Variants in KALRN observed in about 807,000 individuals in gnomAD.
KALRN encodes the protein kalirin RhoGEF kinase.
A neutral mutation model predicts 353.7 loss-of-function variants in KALRN; 70 were observed. The observed-to-expected ratio is 0.20, with a 90% CI of 0.16 to 0.24. KALRN has a LOEUF of 0.24. Ranked by LOEUF, KALRN falls within the 10% of genes least tolerant of loss-of-function variation. The pLI is 1.00. For synonymous variants in KALRN, 1,391 were observed against 1,434.8 expected, an observed-to-expected ratio of 0.97 and a Z score of 0.69; for missense variants, 2,791 against 3,756.7, an observed-to-expected ratio of 0.74 and a Z score of 6.72.
intron 34 of KALRN, among the ~76,000 whole-genome samples, chr3:124,611,452 A>C (rs761907771): frequency 1.3e-5 from 2 of 152,172 alleles, no homozygotes; most frequent in Non-Finnish European, 2.9e-5. Context: ...CCAGATTTGA[A>C]TATCCTGATG....
chr3:124,582,479 C>T (rs1578138642), intron 34 of KALRN, among the ~76,000 whole-genome samples: 1 of 152,214 alleles, frequency 6.6e-6, no homozygotes, highest in East Asian at 1.9e-4. Flanking sequence ...AGATTTTTGA[C>T]TTTATGTTCT....
chr3:124,036,714 C>T (rs1476110026), intron 1 of KALRN, among the ~76,000 whole-genome samples: 1 of 152,148 alleles, frequency 6.6e-6, no homozygotes, highest in Admixed American at 6.5e-5. Context: ...CCAGGGTTAC[C>T]CCTTTCTTTC....
chr3:124,333,717 G>A lies in KALRN; in HGVS notation c.1417-548G>A, dbSNP rs140869811. ...AGCCTGGCCAACATGGTGAAACCCC[G>A]TCTCTACTAAAAATACAGAAATTAG... On this transcript the variant is annotated intron_variant, in intron 8 of 59. Coordinates refer to ENST00000682506, the MANE Select transcript of KALRN (RefSeq NM_001388419.1). 2.0e-3 allele frequency among the ~76,000 whole-genome samples: 303 copies of A among 152,128 alleles called. 1 individual carries two copies. The highest frequency in any genetic ancestry group is 6.0e-3 in the African/African-American group (251 of 41,494).
chr3:124,250,619 AT>A, intron 3 of KALRN, among the ~76,000 whole-genome samples: 1 of 152,298 alleles, frequency 6.6e-6, no homozygotes, highest in Admixed American at 6.5e-5. Context: ...TCATAATGAT[AT>A]TTTTTAAAGT....
intron 3 of KALRN, among the ~76,000 whole-genome samples, chr3:124,258,715 ATTTCTCT>A (rs1388544754): frequency 1.3e-5 from 2 of 152,174 alleles, no homozygotes; most frequent in Non-Finnish European, 2.9e-5. Context: ...TCCACACCAG[ATTTCTCT>A]TTTAACTTCC....
intron 37 of KALRN, among the ~76,000 whole-genome samples, chr3:124,649,459 G>A (rs1362130322): frequency 6.6e-6 from 1 of 152,080 alleles, no homozygotes; most frequent in Non-Finnish European, 1.5e-5. Context: ...TGCAGTAGCT[G>A]GTTTAGGCAG....
intron 10 of KALRN, among the ~76,000 whole-genome samples, chr3:124,368,812 C>T (rs1353067456): frequency 1.3e-5 from 2 of 152,114 alleles, no homozygotes; most frequent in Non-Finnish European, 2.9e-5. Flanking sequence ...GCAATCCCGG[C>T]ACCTCGGGAG....
At chr3:124,302,116 A>C (rs1339121355) in intron 6 of KALRN, among the ~76,000 whole-genome samples, 3 of 152,238 alleles carry the variant, frequency 2.0e-5, no homozygotes, top group Admixed American at 6.5e-5. Context: ...CCCCAACTTA[A>C]GGTTCTAAGA....
At chr3:124,394,583 G>A (rs925683268) in intron 11 of KALRN, among the ~76,000 whole-genome samples, 1 of 152,096 alleles carries the variant, frequency 6.6e-6, no homozygotes, top group African/African-American at 2.4e-5. Flanking sequence ...ATTAAGATAA[G>A]CCACATCTTT....
intron 34 of KALRN, among the ~76,000 whole-genome samples, chr3:124,591,234 T>A (rs1005475900): frequency 1.1e-4 from 17 of 152,238 alleles, no homozygotes; most frequent in African/African-American, 3.6e-4. Context: ...TTAGTTAATA[T>A]CTGTTCATGT....
At chr3:124,155,830 TC>T (rs1380957863) in intron 1 of KALRN, among the ~76,000 whole-genome samples, 1 of 152,192 alleles carries the variant, frequency 6.6e-6, no homozygotes, top group Non-Finnish European at 1.5e-5. Context: ...ATCCATCACA[TC>T]TCCCTCAGCT....
chr3:124,078,953 A>T (rs2060397964), intron 1 of KALRN, among the ~76,000 whole-genome samples: 1 of 152,218 alleles, frequency 6.6e-6, no homozygotes, highest in Admixed American at 6.5e-5. Context: ...GCTGGGTGGA[A>T]GATTATTCTC....
chr3:124,303,363 C>T (rs189919194), intron 6 of KALRN, among the ~76,000 whole-genome samples: 368 of 152,270 alleles, frequency 2.4e-3, no homozygotes, highest in Non-Finnish European at 4.4e-3. Flanking sequence ...TCTTACAGTG[C>T]CTCAGACAAC....
At chr3:124,076,800 C>G (rs1328158476) in intron 1 of KALRN, among the ~76,000 whole-genome samples, 1 of 152,146 alleles carries the variant, frequency 6.6e-6, no homozygotes, top group Non-Finnish European at 1.5e-5. Context: ...GCCACTCAGC[C>G]CCAGCTGATT....
rs570960702 is a variant in KALRN, at chr3:124,037,654, G to A, written c.73+3841G>A. Among the ~76,000 whole-genome samples, 8 of 152,246 alleles carry A rather than the reference G, an allele frequency of 5.3e-5. No homozygotes were observed. In the East Asian group the frequency reaches 1.5e-3, roughly 29 times the overall value. ...ATGCAAAAGTGATCTGGAGGTGAGG[G>A]GGAGGAGCTTTGGTCTGGGTTGGTG... On this transcript the variant is annotated intron_variant, in intron 1 of 59. Transcript: ENST00000682506.
In KALRN at chr3:124,632,687, G is replaced by A; in HGVS notation, c.5450G>A (p.Gly1817Glu). ...CCTGGGGATGAAACAACCCCTCAGG[G>A]AGACAGCGCTGATGAGGTACTTACA... The part of the protein sequence containing the change: ...PKPGDETTPQ[G>E]DSADESKKGW... The change falls in exon 35 of 60, where the codon GGA (glycine) becomes GAA (glutamate). Residue 1817 changes from glycine (G) to glutamate (E), a missense_variant. Physicochemically the swap from Gly to Glu is moderately conservative, Grantham distance 98. Around this residue, in one of 11 missense-constraint regions of KALRN, gnomAD observed 1,065 missense variants for 1,156.4 expected, o/e 0.92. Coordinates refer to ENST00000682506, the MANE Select transcript of KALRN (RefSeq NM_001388419.1). 1 of 1,614,156 alleles carries A rather than the reference G, an allele frequency of 6.2e-7. No homozygotes were observed. The highest frequency in any genetic ancestry group is 8.5e-7 in the Non-Finnish European group (1 of 1,180,000).
intron 34 of KALRN, among the ~76,000 whole-genome samples, chr3:124,563,351 C>T (rs2109884858): frequency 1.3e-5 from 2 of 152,330 alleles, no homozygotes; most frequent in Middle Eastern, 6.8e-3. Context: ...ATTAAGTAAC[C>T]TCCAAGATCT....
At chr3:124,399,462 T>C (rs1002719013) in intron 13 of KALRN, among the ~76,000 whole-genome samples, 10 of 152,220 alleles carry the variant, frequency 6.6e-5, no homozygotes, top group African/African-American at 2.4e-4. Context: ...TGCTATCCGT[T>C]AGACTCTTAC....
chr3:124,636,894 T>TG (rs919268314), intron 36 of KALRN, among the ~76,000 whole-genome samples: 31 of 152,208 alleles, frequency 2.0e-4, no homozygotes, highest in Non-Finnish European at 4.4e-4. Flanking sequence ...TCCAAGCTGT[T>TG]GCTGTCAGTA....
Sources: allele counts gnomAD v4.1 joint callset (sites outside exome capture counted in the v4.1 genomes callset), GRCh38; gene constraint gnomAD v4.1.1; regional missense constraint gnomAD v4.1.1; transcripts MANE v1.5; gene names NCBI Gene and HGNC (gene_info 2026-07-23, HGNC 2026-07-21).